The following GRTP1 variants were observed in gnomAD, a reference collection of about 807,000 sequenced individuals.
GRTP1 encodes the protein growth hormone regulated TBC protein 1.
In GRTP1, 56 loss-of-function variants were observed where a neutral mutation model predicts 38.1. The observed-to-expected ratio is 1.47, with a 90% CI of 1.19 to 1.84. GRTP1 has a LOEUF of 1.84. Ranked by LOEUF, GRTP1 falls within the 40% of genes most tolerant of loss-of-function variation. The probability of loss-of-function intolerance (pLI) is 0.00; values close to 1 mark genes in which losing one functional copy is unlikely to be tolerated. For synonymous variants in GRTP1, 217 were observed against 189.5 expected (o/e 1.14, Z -1.19); for missense variants, 506 against 453.9 (o/e 1.11, Z -1.04).
chr13:113,329,413 A>C (rs2042823822), intron 5 of GRTP1, among the ~76,000 whole-genome samples: 1 of 152,042 alleles, frequency 6.6e-6, no homozygotes, highest in South Asian at 2.1e-4. Context: ...ACCCATCTCT[A>C]CTAAAAATAC....
chr13:113,355,311 C>CTGTCCTG lies in GRTP1; in HGVS notation c.340+11_340+12insCAGGACA. ...CGGGCCCTGCACCAGAGCTCGACCC[C>CTGTCCTG]CACCGCCTCACCTGTCCTGATGGCG... On this transcript the variant is annotated intron_variant, in intron 3 of 7. Transcript: ENST00000375431. 1 of 1,613,104 alleles carries CTGTCCTG rather than the reference C, an allele frequency of 6.2e-7. No homozygotes were observed. Among genetic ancestry groups the CTGTCCTG allele is most frequent in the Non-Finnish European group, 8.5e-7 (1 of 1,179,460 alleles).
Position 113,355,396 on chromosome 13 carries a change from G to A in GRTP1, c.267C>T (p.Asp89=), listed in dbSNP as rs2043365927. 6.2e-7 allele frequency: 1 copy of A among 1,614,130 alleles called. No individual in the cohort carries two copies. Among genetic ancestry groups the A allele is most frequent in the Non-Finnish European group, 8.5e-7 (1 of 1,180,016 alleles). ...GCTGGTGGTAGTAGCCGGGATTCTG[G>A]TCCATCTGCGCCTGGGCCCCACTCA... ...MVLSGAQAQM[D]QNPGYYHQLL... The change falls in exon 3 of 8, where the codon GAC becomes GAT. Residue 89 remains aspartate (D), a synonymous_variant. Coordinates refer to ENST00000375431, the MANE Select transcript of GRTP1 (RefSeq NM_024719.4).
chr13:113,348,209 T>C lies in GRTP1; in HGVS notation c.465+2640A>G, dbSNP rs1287623982. Among the ~76,000 whole-genome samples, 2 of 151,988 alleles carry C rather than the reference T, an allele frequency of 1.3e-5. No homozygotes were observed. The highest frequency in any genetic ancestry group is 2.9e-5 in the Non-Finnish European group (2 of 67,982). ...GGCACAGTGGGGGATCCCAGCACTG[T>C]GAGAGGTAGAGGCAGGAGGATCGCC... On this transcript the variant is annotated intron_variant, in intron 4 of 7. Coordinates refer to ENST00000375431, the MANE Select transcript of GRTP1 (RefSeq NM_024719.4). The surrounding 1 kb of genome is among the most constrained non-coding windows in gnomAD (Gnocchi z 4.8).
At position 113,342,895 on chromosome 13, in the gene GRTP1, G is replaced by A. The variant is rs546052897; in HGVS notation, c.562+1968C>T. 7.2e-5 allele frequency among the ~76,000 whole-genome samples: 11 copies of A among 152,100 alleles called. No homozygotes were observed. Among genetic ancestry groups the A allele is most frequent in the Non-Finnish European group, 1.0e-4 (7 of 68,014 alleles). ...CATAATGAATATCGGAAGTGACGTCGTACGGACTGAAAACGCATCTGTCCA... is the reference window on the plus strand; with the variant it reads ...CATAATGAATATCGGAAGTGACGTCATACGGACTGAAAACGCATCTGTCCA... On this transcript the variant is annotated intron_variant, in intron 5 of 7. Coordinates refer to ENST00000375431, the MANE Select transcript of GRTP1 (RefSeq NM_024719.4). This position sits in a 1 kb window ranked among gnomAD's most constrained non-coding sequence, Gnocchi z 4.5.
At chr13:113,336,617 G>A (rs1456093936) in intron 5 of GRTP1, among the ~76,000 whole-genome samples, 1 of 27,764 alleles carries the variant, frequency 3.6e-5, no homozygotes, top group African/African-American at 8.3e-5. Context: ...ACCTACACTA[G>A]CTGTGCAGGA....
At chr13:113,360,591 C>T (rs1233991980) in intron 2 of GRTP1, among the ~76,000 whole-genome samples, 2 of 152,212 alleles carry the variant, frequency 1.3e-5, no homozygotes, top group Non-Finnish European at 1.5e-5. Context: ...GGCACCCTGA[C>T]GGTCACACTG....
chr13:113,338,504 C>CT (rs1455504725), intron 5 of GRTP1, among the ~76,000 whole-genome samples: 1 of 152,112 alleles, frequency 6.6e-6, no homozygotes, highest in African/African-American at 2.4e-5. Context: ...ATGTGGGGTG[C>CT]AGGCCTTGGG....
intron 2 of GRTP1, among the ~76,000 whole-genome samples, chr13:113,362,807 G>C (rs938200239): frequency 2.6e-5 from 4 of 152,066 alleles, no homozygotes; most frequent in African/African-American, 9.7e-5. Flanking sequence ...TGGAAGCCCA[G>C]CTGCCATTCA....
rs1240414847 is a variant in GRTP1 at position 113,355,108 on chromosome 13, A to G, written c.340+215T>C. ...CTTCATGCCCATTTTCTTATTAGCCAGCTAGGCACGTGAATATCTGCTGAG... is the reference window on the plus strand; with the variant it reads ...CTTCATGCCCATTTTCTTATTAGCCGGCTAGGCACGTGAATATCTGCTGAG... On this transcript the variant is annotated intron_variant, in intron 3 of 7. Coordinates refer to ENST00000375431, the MANE Select transcript of GRTP1 (RefSeq NM_024719.4). 2 of 518,662 alleles carry G rather than the reference A, an allele frequency of 3.9e-6. 1 individual carries two copies. The highest frequency in any genetic ancestry group is 6.0e-5 in the South Asian group (2 of 33,100). 32.1% of individuals were successfully genotyped at this position (518,662 alleles called of 1,614,324 possible). A position where few individuals can be genotyped will look rare whatever the true frequency, so the allele number is the denominator to read the frequency against.
At chr13:113,363,661 T>C in intron 2 of GRTP1, 101 bp downstream of exon 2, 1 of 1,239,962 alleles carries the variant, frequency 8.1e-7, no homozygotes. Context: ...CCCGGAAAGG[T>C]TCCTCCCCCT....
At chr13:113,325,094 T>C (rs1252795208) in intron 7 of GRTP1, 3 of 1,006,102 alleles carry the variant, frequency 3.0e-6, no homozygotes, top group Non-Finnish European at 3.6e-6. Flanking sequence ...CCTCCCAAAG[T>C]GCTGGGACTG....
intron 5 of GRTP1, among the ~76,000 whole-genome samples, chr13:113,331,923 C>T (rs1481769019): frequency 1.3e-5 from 2 of 150,854 alleles, no homozygotes; most frequent in African/African-American, 2.4e-5. Flanking sequence ...TCCCAAAGTG[C>T]TGAGATTACA....
intron 4 of GRTP1, among the ~76,000 whole-genome samples, chr13:113,345,781 G>A (rs1362023994): frequency 1.3e-5 from 2 of 152,230 alleles, no homozygotes; most frequent in African/African-American, 4.8e-5. Flanking sequence ...CGGGCACGCA[G>A]CCTTACACGT....
rs1050184650 is a variant in GRTP1 at position 113,328,756 on chromosome 13, C to G, written c.563-2665G>C. On this transcript the variant is annotated intron_variant, in intron 5 of 7. Transcript: ENST00000375431. ...AGGCTGGTCTAGAATTCCTGGGCAG[C>G]CAAAACATTAAATGGTCTGTGCAGC... Among the ~76,000 whole-genome samples the G allele has an allele frequency of 7.9e-5, 12 of 152,186 alleles. No homozygotes were observed. In the East Asian group the frequency reaches 2.3e-3, roughly 29 times the overall value.
At chr13:113,351,969 C>T (rs913992965) in intron 3 of GRTP1, 2 of 152,138 alleles carry the variant, frequency 1.3e-5, no homozygotes, top group South Asian at 2.1e-4. Context: ...CTGCAAAATA[C>T]TGTAAGTCTG....
At chr13:113,361,425 A>G (rs1012667673) in intron 2 of GRTP1, 93 of 152,360 alleles carry the variant, frequency 6.1e-4, no homozygotes, top group African/African-American at 1.7e-3. Context: ...ATGGAACCCA[A>G]GTTAGCAGCT....
intron 2 of GRTP1, among the ~76,000 whole-genome samples, chr13:113,357,453 A>AAG (rs2043416057): frequency 6.6e-6 from 1 of 150,418 alleles, no homozygotes; most frequent in Non-Finnish European, 1.5e-5. Context: ...AAAAAAAAAA[A>AAG]AAAAAAAAGA....
intron 2 of GRTP1, among the ~76,000 whole-genome samples, chr13:113,360,968 G>C (rs2043484556): frequency 6.6e-6 from 1 of 151,870 alleles, no homozygotes; most frequent in East Asian, 1.9e-4. Flanking sequence ...AAATTAGCCG[G>C]GCATGGTGGC....
chr13:113,341,586 C>T (rs2043027301), intron 5 of GRTP1, among the ~76,000 whole-genome samples: 3 of 151,942 alleles, frequency 2.0e-5, no homozygotes, highest in South Asian at 2.1e-4. Context: ...TCTTATCAGT[C>T]TTACCAGAGG....
Sources: allele counts gnomAD v4.1 joint callset (sites outside exome capture counted in the v4.1 genomes callset), GRCh38; gene constraint gnomAD v4.1.1; non-coding constraint Gnocchi (gnomAD v3.1); transcripts MANE v1.5; gene names NCBI Gene and HGNC (gene_info 2026-07-23, HGNC 2026-07-21).